PDE4DIP: variants seen among roughly 807,000 people sequenced by gnomAD.
PDE4DIP encodes myomegalin.
Under a neutral mutation model 221.4 loss-of-function variants are expected in PDE4DIP, and 59 were observed. The ratio of observed to expected loss-of-function variants is 0.27; its 90% CI spans 0.22 to 0.33. The LOEUF (loss-of-function observed/expected upper bound fraction) is 0.33. Among genes scored for constraint, PDE4DIP ranks in the 10% least tolerant of loss-of-function variants. The pLI is 1.00. For missense variants in PDE4DIP, 1,036 were observed against 2,154.2 expected (o/e 0.48, Z 10.28); for synonymous variants, 404 against 815.9 (o/e 0.50, Z 8.60).
chr1:148,952,069 G>T, intron 5 of PDE4DIP: 1 of 1,013,746 alleles, frequency 9.9e-7, no homozygotes, highest in Non-Finnish European at 1.2e-6. Context: ...GCAGGGAGGG[G>T]ATTCGTCTTT....
chr1:148,924,793 TA>T (rs1213366426), intron 1 of PDE4DIP, among the ~76,000 whole-genome samples: 1 of 151,716 alleles, frequency 6.6e-6, no homozygotes, highest in Non-Finnish European at 1.5e-5. Flanking sequence ...GACTTGGTGA[TA>T]AAATAAGCAA....
At chr1:148,907,147 T>G (rs1340177669) in intron 1 of PDE4DIP, among the ~76,000 whole-genome samples, 2 of 144,142 alleles carry the variant, frequency 1.4e-5, no homozygotes, top group African/African-American at 5.3e-5. Context: ...CCCTTTACCT[T>G]AAGTTTATGT....
In PDE4DIP at chr1:148,961,844, A is replaced by C. The variant is rs782762598; in HGVS notation, c.776A>C (p.Gln259Pro). Reference sequence around the variant, plus strand: ...TTTCTTTGCTGAATTCAGATTCTTCAAGAGAAACTTAATGAAATGAGCTAT... The same window carrying C: ...TTTCTTTGCTGAATTCAGATTCTTCCAGAGAAACTTAATGAAATGAGCTAT... Residue 259 changes from glutamine (Q) to proline (P), a missense_variant, in exon 7 of 44, where the codon CAA (glutamine) becomes CCA (proline). Physicochemically the swap from Gln to Pro is moderately conservative, Grantham distance 76. Transcript: ENST00000369354. The C allele has an allele frequency of 3.4e-6, 5 of 1,492,074 alleles. No homozygotes were observed. In the Admixed American group the frequency reaches 5.0e-5, roughly 15 times the overall value. The allele number at this position is 1,492,074 out of a possible 1,614,324, so 92.4% of individuals were successfully genotyped here.
intron 30 of PDE4DIP, among the ~76,000 whole-genome samples, 158 bp from the exon 34 acceptor site, chr1:149,010,285 G>C (rs587758942): frequency 7.8e-4 from 119 of 152,228 alleles, no homozygotes; most frequent in Non-Finnish European, 3.1e-4. Flanking sequence ...TATAGGAGCT[G>C]TCTGCAAGCA....
At position 148,960,685 on chromosome 1, in the gene PDE4DIP, AG is replaced by A; in HGVS notation, c.669del (p.Lys223AsnfsTer2). ...ACTGAAGAGTTGCTGAAACAACAAA[AG>A]CTGAATTCACATGAGACCACTATAA... is the stretch of plus-strand genomic sequence containing the variant. On this transcript the variant is annotated frameshift_variant, in exon 6 of 44. Transcript: ENST00000369354. LOFTEE classifies it high-confidence loss of function. 2.1e-6 allele frequency: 1 copy of A among 477,442 alleles called. No homozygotes were observed. Among genetic ancestry groups the A allele is most frequent in the Non-Finnish European group, 3.6e-6 (1 of 281,006 alleles). The allele number at this position is 477,442 out of a possible 1,614,324, so 29.6% of individuals were successfully genotyped here.
intron 14 of PDE4DIP, among the ~76,000 whole-genome samples, chr1:148,970,178 T>C (rs1163442387): frequency 1.3e-5 from 2 of 149,406 alleles, no homozygotes; most frequent in Admixed American, 1.3e-4. Flanking sequence ...TAATATTTTC[T>C]TATGTTTTCT....
chr1:148,954,543 T>C (rs1242482724), intron 5 of PDE4DIP, among the ~76,000 whole-genome samples: 2 of 148,464 alleles, frequency 1.3e-5, no homozygotes, highest in Non-Finnish European at 3.0e-5. Context: ...TCAAGTACAG[T>C]ATTGTCAGTC....
chr1:148,999,534 C>G (rs375691335), intron 23 of PDE4DIP, among the ~76,000 whole-genome samples: 1 of 152,192 alleles, frequency 6.6e-6, no homozygotes, highest in Admixed American at 6.5e-5. Context: ...TTCTATACTA[C>G]ATACTTTGTC....
intron 21 of PDE4DIP, chr1:148,986,212 T>A (rs780944969): frequency 1.3e-5 from 2 of 152,072 alleles, no homozygotes; most frequent in Non-Finnish European, 2.9e-5. Context: ...AATAAATAAA[T>A]AAAGTGGTTC....
chr1:148,949,067 A>T (rs1392639554), intron 5 of PDE4DIP, among the ~76,000 whole-genome samples: 3 of 152,202 alleles, frequency 2.0e-5, no homozygotes, highest in African/African-American at 4.8e-5. Flanking sequence ...ATCTGAGTTC[A>T]TTCTTTTTGA....
chr1:149,018,143 G>T (rs2071337827), intron 34 of PDE4DIP, among the ~76,000 whole-genome samples: 2 of 151,902 alleles, frequency 1.3e-5, no homozygotes, highest in South Asian at 2.1e-4. Context: ...TGCCTTTGTT[G>T]TGTGATTGAT....
chr1:149,029,420 C>T (rs1235831513), intron 41 of PDE4DIP, among the ~76,000 whole-genome samples: 10 of 152,340 alleles, frequency 6.6e-5, no homozygotes, highest in South Asian at 2.1e-4. Flanking sequence ...TCTCTCACCC[C>T]AGCATAACAC....
intron 1 of PDE4DIP, among the ~76,000 whole-genome samples, chr1:148,829,133 A>G (rs1346174761): frequency 7.0e-6 from 1 of 143,874 alleles, no homozygotes; most frequent in Non-Finnish European, 1.6e-5. Context: ...CCAGCAAGTG[A>G]GGAAATCCAC....
intron 33 of PDE4DIP, among the ~76,000 whole-genome samples, chr1:149,016,886 A>G (rs376729264): frequency 0.081 from 12,281 of 151,972 alleles, 110 homozygotes; most frequent in Middle Eastern, 0.16. Flanking sequence ...ACTTTCTTCC[A>G]TCAGTCAGGA....
At chr1:149,000,700 C>G (rs1457785273) in intron 23 of PDE4DIP, among the ~76,000 whole-genome samples, 1 of 151,586 alleles carries the variant, frequency 6.6e-6, no homozygotes, top group Non-Finnish European at 1.5e-5. Flanking sequence ...GCAGCTAGTA[C>G]AGCAGGGATT....
intron 4 of PDE4DIP, among the ~76,000 whole-genome samples, chr1:148,936,354 GA>G (rs1294252929): frequency 2.1e-5 from 2 of 94,412 alleles, no homozygotes. Context: ...ACCTTGATGG[GA>G]TAGGCTACTG....
chr1:148,922,738 C>A (rs1407048470), intron 1 of PDE4DIP, among the ~76,000 whole-genome samples: 1 of 149,988 alleles, frequency 6.7e-6, no homozygotes, highest in Non-Finnish European at 1.5e-5. Flanking sequence ...CAGGTGCCCG[C>A]CACCACACCC....
intron 1 of PDE4DIP, among the ~76,000 whole-genome samples, chr1:148,823,512 A>G (rs1250408016): frequency 1.3e-5 from 2 of 150,512 alleles, no homozygotes; most frequent in Non-Finnish European, 3.0e-5. Flanking sequence ...TGTCCACTGT[A>G]CGCATGCTCA....
chr1:149,009,888 G>A, intron 30 of PDE4DIP, 97 bp downstream of exon 33: 4 of 971,724 alleles, frequency 4.1e-6, no homozygotes, highest in Non-Finnish European at 6.5e-6. Context: ...GTATCAGGCT[G>A]AACATGGCTG....
Sources: allele counts gnomAD v4.1 joint callset (sites outside exome capture counted in the v4.1 genomes callset), GRCh38; gene constraint gnomAD v4.1.1; transcripts MANE v1.5; gene names NCBI Gene and HGNC (gene_info 2026-07-23, HGNC 2026-07-21).